Variants in GSE1 observed in about 807,000 individuals in gnomAD.
GSE1 encodes genetic suppressor element 1.
In GSE1, 32 loss-of-function variants were observed where a neutral mutation model predicts 112.6. The ratio of observed to expected loss-of-function variants is 0.28; its 90% CI spans 0.21 to 0.38. The LOEUF is 0.38. GSE1 is among the 10% of genes least tolerant of loss of function. The pLI, the probability that GSE1 is intolerant of heterozygous loss-of-function variation, is 1.00. For synonymous variants in GSE1, 1,115 were observed against 735.6 expected (o/e 1.52, Z -8.35); for missense variants, 2,348 against 1,699.2 (o/e 1.38, Z -6.71).
At chr16:85,321,145 C>T (rs975282812) in intron 1 of GSE1, among the ~76,000 whole-genome samples, 10 of 152,194 alleles carry the variant, frequency 6.6e-5, no homozygotes, top group African/African-American at 2.4e-4. Context: ...GGGACCTTGT[C>T]TGTCTCTTCT....
intron 2 of GSE1, among the ~76,000 whole-genome samples, chr16:85,361,547 ACC>A (rs1296242758): frequency 6.6e-6 from 1 of 151,984 alleles, no homozygotes; most frequent in African/African-American, 2.4e-5. Flanking sequence ...TGGTGGCCCC[ACC>A]CTGGCACTGG....
intron 2 of GSE1, among the ~76,000 whole-genome samples, chr16:85,396,169 G>A (rs7200717): frequency 0.022 from 3,284 of 152,276 alleles, 131 homozygotes; most frequent in African/African-American, 0.074. Flanking sequence ...ACATCAGCAG[G>A]CCCGTCCTTC....
intron 1 of GSE1, among the ~76,000 whole-genome samples, chr16:85,591,583 G>A (rs539268409): frequency 7.9e-5 from 12 of 152,202 alleles, no homozygotes; most frequent in African/African-American, 2.9e-4. Context: ...AGTGCCCCCC[G>A]TGGCAAGACC....
At chr16:85,663,715 C>G in intron 11 of GSE1, 101 bp downstream of exon 11, 1 of 1,215,162 alleles carries the variant, frequency 8.2e-7, no homozygotes, top group Non-Finnish European at 1.2e-6. Context: ...GATCTGCGAT[C>G]ACTGAGCCTG....
At position 85,674,019 on chromosome 16, in the gene GSE1, C is replaced by T. The variant is rs1174220872; in HGVS notation, c.*1480C>T. ...CATCACACCAAGGCAAAGCAACGGGCGAGTCTTCCTCCTTGTCCTAGTTAC... is the reference window on the plus strand; with the variant it reads ...CATCACACCAAGGCAAAGCAACGGGTGAGTCTTCCTCCTTGTCCTAGTTAC... On this transcript the variant is annotated 3_prime_UTR_variant, in exon 16 of 16. Transcript: ENST00000253458. The T allele has an allele frequency of 2.0e-5, 3 of 151,938 alleles. No homozygotes were observed. Among genetic ancestry groups the T allele is most frequent in the South Asian group, 4.2e-4 (2 of 4,776 alleles). The allele number at this position is 151,938 out of a possible 1,614,324, so 9.4% of individuals were successfully genotyped here.
chr16:85,187,607 G>A (rs1000868232), intron 1 of GSE1, among the ~76,000 whole-genome samples: 13 of 152,150 alleles, frequency 8.5e-5, no homozygotes, highest in African/African-American at 3.1e-4. Flanking sequence ...GTGCTGGTCT[G>A]CTCTTGACCG....
chr16:85,555,182 T>A, upstream of GSE1: 1 of 985,384 alleles, frequency 1.0e-6, no homozygotes, highest in Non-Finnish European at 1.2e-6. Context: ...ACAAATCTGC[T>A]GTCAGGCAGC....
intron 1 of GSE1, among the ~76,000 whole-genome samples, chr16:85,316,930 C>T (rs886237674): frequency 3.3e-5 from 5 of 152,154 alleles, no homozygotes; most frequent in African/African-American, 4.8e-5. Flanking sequence ...GCAGGAGCCC[C>T]GGGAGGGATG....
intron 2 of GSE1, among the ~76,000 whole-genome samples, chr16:85,647,867 G>A (rs1259363582): frequency 6.6e-6 from 1 of 152,132 alleles, no homozygotes; most frequent in Admixed American, 6.5e-5. Flanking sequence ...TTACAGGCGG[G>A]AGCCACCGCG....
At chr16:85,471,901 T>C (rs886150504) in intron 2 of GSE1, among the ~76,000 whole-genome samples, 3 of 152,212 alleles carry the variant, frequency 2.0e-5, no homozygotes, top group Non-Finnish European at 2.9e-5. Flanking sequence ...AAGTGCCCAC[T>C]TGTGGCTGGC....
intron 2 of GSE1, among the ~76,000 whole-genome samples, chr16:85,539,775 C>T (rs1471708104): frequency 1.3e-5 from 2 of 152,182 alleles, no homozygotes; most frequent in South Asian, 2.1e-4. Context: ...CCAGAACAGG[C>T]GGATGGCTGC....
chr16:85,284,049 C>T (rs1380761333), intron 1 of GSE1, among the ~76,000 whole-genome samples: 1 of 152,172 alleles, frequency 6.6e-6, no homozygotes, highest in East Asian at 1.9e-4. Context: ...CACAGTCCCT[C>T]CCAGCAATTA....
chr16:85,609,871 G>C (rs895934028), upstream of GSE1, among the ~76,000 whole-genome samples: 4 of 152,094 alleles, frequency 2.6e-5, no homozygotes, highest in Admixed American at 6.5e-5. Flanking sequence ...TGTCCAGGCC[G>C]GTCTCGAACT....
Position 85,564,043 on chromosome 16 carries a change from CTGCG to C in GSE1, c.37+7682_37+7685del, listed in dbSNP as rs2045636717. On this transcript the variant is annotated intron_variant, in intron 1 of 2. Transcript: ENST00000635906. The stretch of plus-strand genomic sequence containing the variant: ...GCGCCAGTGGGTGCCGGGCACTGCG[CTGCG>C]TCAGTCCACTGGGCAGGAGCAGCAG... Among the ~76,000 whole-genome samples the C allele has an allele frequency of 5.9e-5, 9 of 152,352 alleles. No individual in the cohort carries two copies. The South Asian group carries it at 1.9e-3, about 32-fold the overall frequency.
chr16:85,331,371 A>G (rs1241763544), intron 1 of GSE1, among the ~76,000 whole-genome samples: 9 of 81,322 alleles, frequency 1.1e-4, no homozygotes, highest in African/African-American at 3.0e-4. Context: ...GTGTGTATAT[A>G]TGTATATATA....
At chr16:85,184,433 C>G (rs2074658602) in intron 1 of GSE1, among the ~76,000 whole-genome samples, 1 of 152,198 alleles carries the variant, frequency 6.6e-6, no homozygotes. Flanking sequence ...AATTTCTAAC[C>G]TCAGTGATGC....
At chr16:85,170,357 C>T (rs1270420516) in exon 1 of GSE1, 1 of 985,328 alleles carries the variant, frequency 1.0e-6, no homozygotes, top group East Asian at 1.1e-4. Flanking sequence ...ATTCAGGATC[C>T]CTGGCAAGGC....
At chr16:85,638,170 C>G (rs1348138621) in intron 2 of GSE1, among the ~76,000 whole-genome samples, 2 of 152,248 alleles carry the variant, frequency 1.3e-5, no homozygotes, top group East Asian at 3.8e-4. Context: ...GCCTCCGCGT[C>G]TCTCCTCTCA....
chr16:85,655,939 G>T (rs1433021664), intron 6 of GSE1, 22 bp downstream of exon 6: 24 of 1,577,992 alleles, frequency 1.5e-5, no homozygotes, highest in Non-Finnish European at 2.1e-5. Flanking sequence ...TCGAGCCGAG[G>T]AGCCCCTCTG....
Sources: gnomAD v4.1 joint callset for allele counts (sites outside exome capture counted in the v4.1 genomes callset) on GRCh38, gnomAD v4.1.1 for gene constraint, MANE v1.5 for transcripts, NCBI Gene and HGNC (gene_info 2026-07-23, HGNC 2026-07-21) for gene names.